Variants in PATJ observed in about 807,000 individuals in gnomAD.
PATJ encodes PATJ crumbs cell polarity complex component, also known as inaD-like protein.
PATJ carries 190 observed loss-of-function variants against 224.9 expected under a neutral mutation model. That is an observed-to-expected ratio of 0.84 (90% CI 0.75 to 0.95). The LOEUF (loss-of-function observed/expected upper bound fraction) is 0.95, where lower values mean the gene tolerates loss of function less well. Ranked by LOEUF, PATJ falls within the 40% of genes least tolerant of loss-of-function variation. PATJ has a pLI of 0.00. For synonymous variants in PATJ, 769 were observed against 820.3 expected (o/e 0.94, Z 1.07); for missense variants, 2,121 against 2,270.3 (o/e 0.93, Z 1.34).
chr1:62,067,777 G>T (rs942174589), intron 31 of PATJ, among the ~76,000 whole-genome samples: 1 of 152,164 alleles, frequency 6.6e-6, no homozygotes, highest in African/African-American at 2.4e-5. Flanking sequence ...TGTTAAATTT[G>T]AATGCTTTTA....
At chr1:62,150,709 G>A (rs891256418) in intron 42 of PATJ, among the ~76,000 whole-genome samples, 7 of 145,790 alleles carry the variant, frequency 4.8e-5, no homozygotes, top group Non-Finnish European at 1.1e-4. Flanking sequence ...AAAAAGAATT[G>A]GAATAAACAG....
chr1:62,153,226 A>C (rs1668810461), intron 42 of PATJ, 132 bp from the exon 43 acceptor site: 2 of 554,720 alleles, frequency 3.6e-6, no homozygotes, highest in Non-Finnish European at 5.4e-6. Context: ...GCTTTCTGAG[A>C]GTTTGATCTG....
intron 27 of PATJ, among the ~76,000 whole-genome samples, chr1:61,937,060 G>A (rs1026230204): frequency 2.6e-5 from 4 of 152,090 alleles, no homozygotes; most frequent in Non-Finnish European, 5.9e-5. Flanking sequence ...TGCAATGAAA[G>A]CTATAAACCT....
intron 27 of PATJ, among the ~76,000 whole-genome samples, chr1:61,988,811 G>A (rs150133628): frequency 2.2e-4 from 33 of 152,234 alleles, no homozygotes; most frequent in African/African-American, 7.9e-4. Context: ...GAGTGGACTG[G>A]GCTGTCTTCT....
Position 61,771,500 on chromosome 1 carries a change from C to T in PATJ, c.594C>T (p.Ser198=). 6.2e-7 allele frequency: 1 copy of T among 1,612,618 alleles called. No homozygotes were observed. The change falls in exon 6 of 44, where the codon TCC becomes TCT. Residue 198 remains serine, a synonymous_variant. Coordinates refer to ENST00000642238, the MANE Select transcript of PATJ (RefSeq NM_001350145.3). ...ACACGCCATTGGATCAGAACATTTCCCATCAGCAAGCAATTGCATTATTAC... is the reference window on the plus strand; with the variant it reads ...ACACGCCATTGGATCAGAACATTTCTCATCAGCAAGCAATTGCATTATTAC... ...INHTPLDQNI[S]HQQAIALLQQ...
Position 61,970,500 on chromosome 1 carries a change from T to G in PATJ, c.3671-19668T>G, listed in dbSNP as rs531027575. ...ACAGTATTATACAGAGCAGTTTTAC[T>G]GCCATGAAAATCCTTTGTGCTCTTC... On this transcript the variant is annotated intron_variant, in intron 27 of 43. Coordinates refer to ENST00000642238, the MANE Select transcript of PATJ (RefSeq NM_001350145.3). Among the ~76,000 whole-genome samples, 19 of 152,306 alleles carry G rather than the reference T, an allele frequency of 1.2e-4. 1 individual carries two copies. Among genetic ancestry groups the G allele is most frequent in the African/African-American group, 4.6e-4 (19 of 41,574 alleles).
intron 31 of PATJ, among the ~76,000 whole-genome samples, chr1:62,055,203 T>C (rs766487809): frequency 2.6e-4 from 39 of 152,336 alleles, no homozygotes; most frequent in Admixed American, 1.2e-3. Flanking sequence ...CTGCTCAGTG[T>C]AAGATCAAAA....
intron 8 of PATJ, 48 bp from the exon 9 acceptor site, chr1:61,791,300 C>T: frequency 3.7e-6 from 4 of 1,069,582 alleles, no homozygotes; most frequent in Non-Finnish European, 5.8e-6. Context: ...TATGTACACA[C>T]AGGTATGCCA....
At chr1:61,810,344 A>T (rs576073208) in intron 14 of PATJ, among the ~76,000 whole-genome samples, 1 of 152,208 alleles carries the variant, frequency 6.6e-6, no homozygotes, top group South Asian at 2.1e-4. Flanking sequence ...TAGAGTAGTG[A>T]CTAAATATTA....
At chr1:61,806,675 A>T (rs933093885) in intron 13 of PATJ, among the ~76,000 whole-genome samples, 3 of 151,216 alleles carry the variant, frequency 2.0e-5, no homozygotes, top group African/African-American at 7.3e-5. Flanking sequence ...TGGTAACTTT[A>T]TGCCTGTGTG....
chr1:61,750,528 CG>C (rs2148179776), intron 1 of PATJ, among the ~76,000 whole-genome samples: 1 of 150,840 alleles, frequency 6.6e-6, no homozygotes, highest in African/African-American at 2.4e-5. Context: ...CTCTGCCTCC[CG>C]GGTTCGGGTG....
chr1:61,914,386 G>A (rs1389504474), intron 25 of PATJ, among the ~76,000 whole-genome samples: 2 of 152,176 alleles, frequency 1.3e-5, no homozygotes, highest in Non-Finnish European at 2.9e-5. Flanking sequence ...AACCCAGGAG[G>A]CGGAGGTTAC....
At chr1:61,848,635 TGACCTCCTGGACTCAA>T (rs1216306992) in intron 17 of PATJ, among the ~76,000 whole-genome samples, 1 of 152,118 alleles carries the variant, frequency 6.6e-6, no homozygotes, top group Non-Finnish European at 1.5e-5. Flanking sequence ...AGGGTGGTCT[TGACCTCCTGGACTCAA>T]GCGATCCTAC....
intron 25 of PATJ, among the ~76,000 whole-genome samples, chr1:61,912,195 G>A (rs576889516): frequency 6.6e-6 from 1 of 151,966 alleles, no homozygotes; most frequent in African/African-American, 2.4e-5. Context: ...TTACTTTCAC[G>A]AGAAATACAG....
At chr1:61,997,982 T>TTTTTTATATA (rs374175697) in intron 28 of PATJ, among the ~76,000 whole-genome samples, 3 of 118,338 alleles carry the variant, frequency 2.5e-5, no homozygotes, top group African/African-American at 7.9e-5. Flanking sequence ...TGTGCCCAGC[T>TTTTTTATATA]TATATATGTA....
At chr1:61,999,039 A>T (rs1303187057) in intron 28 of PATJ, among the ~76,000 whole-genome samples, 1 of 152,174 alleles carries the variant, frequency 6.6e-6, no homozygotes, top group Non-Finnish European at 1.5e-5. Context: ...GGAAAGTGCC[A>T]TGAAAATAGA....
At chr1:61,833,868 C>G in intron 17 of PATJ, 83 bp downstream of exon 17, 1 of 1,283,446 alleles carries the variant, frequency 7.8e-7, no homozygotes, top group South Asian at 1.6e-5. Flanking sequence ...GTTTAAGACC[C>G]CTATTGACTT....
chr1:61,955,162 C>T (rs1680268589), intron 27 of PATJ, among the ~76,000 whole-genome samples: 1 of 152,076 alleles, frequency 6.6e-6, no homozygotes, highest in African/African-American at 2.4e-5. Context: ...GATAGTAAAA[C>T]TCTTTTTATA....
chr1:61,870,348 G>A (rs1666142659), intron 20 of PATJ, among the ~76,000 whole-genome samples: 1 of 152,138 alleles, frequency 6.6e-6, no homozygotes, highest in African/African-American at 2.4e-5. Flanking sequence ...TTTCTCTGAT[G>A]TCCAGCTGTA....
Sources: allele counts gnomAD v4.1 joint callset (sites outside exome capture counted in the v4.1 genomes callset), GRCh38; gene constraint gnomAD v4.1.1; transcripts MANE v1.5; gene names NCBI Gene and HGNC (gene_info 2026-07-23, HGNC 2026-07-21).